Variants in MANSC4 observed in about 807,000 individuals in gnomAD.
MANSC4 encodes the protein MANSC domain containing 4.
In MANSC4, 11 loss-of-function variants were observed where a neutral mutation model predicts 11.4. The observed-to-expected ratio is 0.97, with a 90% CI of 0.61 to 1.60. The LOEUF (loss-of-function observed/expected upper bound fraction) is 1.60, where lower values mean the gene tolerates loss of function less well. Among genes scored for constraint, MANSC4 ranks in the 40% most tolerant of loss-of-function variants. The probability of loss-of-function intolerance (pLI) is 0.00; values close to 1 mark genes in which losing one functional copy is unlikely to be tolerated. For missense variants in MANSC4, 354 were observed against 404.6 expected, an observed-to-expected ratio of 0.88 and a Z score of 1.07; for synonymous variants, 123 against 147.1, an observed-to-expected ratio of 0.84 and a Z score of 1.19.
intron 1 of MANSC4, among the ~76,000 whole-genome samples, chr12:27,779,025 C>T (rs1345328112): frequency 6.6e-6 from 1 of 152,194 alleles, no homozygotes; most frequent in Non-Finnish European, 1.5e-5. Flanking sequence ...CGTGCCACCA[C>T]GCCCGGCTAA....
intron 1 of MANSC4, among the ~76,000 whole-genome samples, chr12:27,774,168 CA>C (rs1555110042): frequency 1.3e-5 from 1 of 79,438 alleles, no homozygotes; most frequent in African/African-American, 5.1e-5. Flanking sequence ...AAAAACAAAA[CA>C]AAAAAAAAAC....
At chr12:27,779,231 G>T (rs1283052438) in intron 1 of MANSC4, among the ~76,000 whole-genome samples, 2 of 152,088 alleles carry the variant, frequency 1.3e-5, no homozygotes, top group African/African-American at 4.8e-5. Flanking sequence ...TGGAGAAAGG[G>T]GGTGACAAGA....
chr12:27,779,475 CA>C (rs1307400032), intron 1 of MANSC4, among the ~76,000 whole-genome samples: 2 of 152,142 alleles, frequency 1.3e-5, no homozygotes, highest in African/African-American at 2.4e-5. Context: ...CCCTGCCTCC[CA>C]ACCCGATTCC....
At chr12:27,766,601 G>T in intron 3 of MANSC4, 64 bp downstream of exon 3, 1 of 1,501,368 alleles carries the variant, frequency 6.7e-7, no homozygotes, top group Non-Finnish European at 9.0e-7. Context: ...CAGTTTCTCA[G>T]CTATATGCCT....
chr12:27,768,540 C>A lies in MANSC4; in HGVS notation c.230-1741G>T, dbSNP rs2062084703. On this transcript the variant is annotated intron_variant, in intron 2 of 3. Transcript: ENST00000381273. ...TGAAGCAGATTTGTGTAATGCAAAT[C>A]TTCAGTCTATCCTCACAAAAGTGCA... Among the ~76,000 whole-genome samples, 3 of 151,812 alleles carry A rather than the reference C, an allele frequency of 2.0e-5. No individual in the cohort carries two copies. In the South Asian group the frequency reaches 6.2e-4, roughly 31 times the overall value.
intron 2 of MANSC4, among the ~76,000 whole-genome samples, chr12:27,767,494 G>A (rs544660525): frequency 1.3e-5 from 2 of 151,976 alleles, no homozygotes; most frequent in African/African-American, 4.8e-5. Flanking sequence ...ACCTGAGGTC[G>A]GGAGTTCCAG....
intron 2 of MANSC4, among the ~76,000 whole-genome samples, chr12:27,768,097 C>G (rs1468074390): frequency 6.6e-6 from 1 of 152,062 alleles, no homozygotes; most frequent in East Asian, 1.9e-4. Context: ...AGCAAATTTG[C>G]TTTTTAAAAC....
At chr12:27,767,240 G>A (rs1414124477) in intron 2 of MANSC4, among the ~76,000 whole-genome samples, 1 of 151,998 alleles carries the variant, frequency 6.6e-6, no homozygotes, top group African/African-American at 2.4e-5. Context: ...CCCAAAGCTG[G>A]AATTACAGGG....
intron 3 of MANSC4, among the ~76,000 whole-genome samples, chr12:27,763,623 C>T (rs2062058513): frequency 6.6e-6 from 1 of 151,920 alleles, no homozygotes; most frequent in African/African-American, 2.4e-5. Context: ...AATTTGACTA[C>T]ACCCAAGGAG....
intron 1 of MANSC4, among the ~76,000 whole-genome samples, chr12:27,774,946 C>T (rs2062113691): frequency 6.6e-6 from 1 of 152,106 alleles, no homozygotes; most frequent in Admixed American, 6.5e-5. Context: ...ATGGAGTGAA[C>T]CTGGGAGGCG....
At chr12:27,768,052 A>G (rs1222129673) in intron 2 of MANSC4, among the ~76,000 whole-genome samples, 6 of 152,164 alleles carry the variant, frequency 3.9e-5, no homozygotes. Flanking sequence ...GCAGGTGGGG[A>G]CACACTATTG....
intron 2 of MANSC4, among the ~76,000 whole-genome samples, chr12:27,768,033 A>G (rs1366163776): frequency 6.6e-6 from 1 of 152,210 alleles, no homozygotes; most frequent in Non-Finnish European, 1.5e-5. Flanking sequence ...GCTAGCAGGT[A>G]GAATTCTAGC....
chr12:27,771,614 T>C (rs530980913), intron 1 of MANSC4, among the ~76,000 whole-genome samples, 32 bp from the exon 2 acceptor site: 5 of 152,298 alleles, frequency 3.3e-5, no homozygotes, highest in African/African-American at 9.6e-5. Flanking sequence ...CACCTTTTGC[T>C]AAGTAAATAT....
intron 1 of MANSC4, among the ~76,000 whole-genome samples, chr12:27,774,839 T>C (rs1156716330): frequency 1.3e-5 from 2 of 151,906 alleles, no homozygotes; most frequent in African/African-American, 2.4e-5. Context: ...CTGGCTAACA[T>C]GGTGAAACCC....
intron 1 of MANSC4, among the ~76,000 whole-genome samples, chr12:27,777,846 T>C (rs907503260): frequency 7.9e-5 from 12 of 152,010 alleles, no homozygotes; most frequent in African/African-American, 2.9e-4. Flanking sequence ...GCAGGATCAC[T>C]TGGGGTGGCA....
intron 1 of MANSC4, among the ~76,000 whole-genome samples, chr12:27,773,079 A>G (rs1042061770): frequency 1.3e-5 from 2 of 152,208 alleles, no homozygotes; most frequent in African/African-American, 4.8e-5. Context: ...GGGGTGGCTA[A>G]TGCCTATAAT....
Position 27,763,251 on chromosome 12 carries a change from G to A in MANSC4, c.510C>T (p.Ser170=). Residue 170 remains serine, a synonymous_variant, in exon 4 of 4, where the codon TCC becomes TCT. Transcript: ENST00000381273. ...GCGTGGTTGAGGATGGAGCCTCTGT[G>A]GATGGCAGCATACCATTTATCGTGG... ...QTTTINGMLP[S]TEAPSSTTHQ... 6.4e-7 allele frequency: 1 copy of A among 1,551,666 alleles called. No homozygotes were observed. Among genetic ancestry groups the A allele is most frequent in the Non-Finnish European group, 8.7e-7 (1 of 1,147,008 alleles).
At chr12:27,767,769 A>G (rs2062079968) in intron 2 of MANSC4, among the ~76,000 whole-genome samples, 1 of 152,172 alleles carries the variant, frequency 6.6e-6, no homozygotes, top group Non-Finnish European at 1.5e-5. Flanking sequence ...GTCCTCTCAG[A>G]ATACTAAGGG....
chr12:27,765,861 C>T (rs986948383), intron 3 of MANSC4, among the ~76,000 whole-genome samples: 1 of 152,136 alleles, frequency 6.6e-6, no homozygotes, highest in African/African-American at 2.4e-5. Flanking sequence ...CCTGAGATTA[C>T]ATAAATGGGC....
Sources: gnomAD v4.1 joint callset for allele counts (sites outside exome capture counted in the v4.1 genomes callset) on GRCh38, gnomAD v4.1.1 for gene constraint, MANE v1.5 for transcripts, NCBI Gene and HGNC (gene_info 2026-07-23, HGNC 2026-07-21) for gene names.